The following NTNG1 variants were observed in gnomAD, a reference collection of about 807,000 sequenced individuals.
NTNG1 encodes netrin-G1.
Under a neutral mutation model 54.0 loss-of-function variants are expected in NTNG1, and 16 were observed. The observed-to-expected ratio is 0.30, with a 90% CI of 0.20 to 0.45. NTNG1 has a LOEUF of 0.45. Ranked by LOEUF, NTNG1 falls within the 20% of genes least tolerant of loss-of-function variation. The pLI is 1.00. For missense variants in NTNG1, 530 were observed against 678.7 expected, an observed-to-expected ratio of 0.78 and a Z score of 2.43; for synonymous variants, 255 against 263.1, an observed-to-expected ratio of 0.97 and a Z score of 0.30.
intron 2 of NTNG1, among the ~76,000 whole-genome samples, chr1:107,155,450 A>C (rs1477491915): frequency 1.3e-5 from 2 of 152,016 alleles, no homozygotes; most frequent in Admixed American, 1.3e-4. Flanking sequence ...CTCTCTATCT[A>C]ATATGTATAG....
intron 2 of NTNG1, among the ~76,000 whole-genome samples, chr1:107,194,413 G>A (rs1212872671): frequency 3.9e-5 from 6 of 151,930 alleles, no homozygotes; most frequent in Non-Finnish European, 7.4e-5. Flanking sequence ...ATTCACATCA[G>A]TCTCCTCTTT....
intron 7 of NTNG1, among the ~76,000 whole-genome samples, chr1:107,467,128 C>CT (rs902190898): frequency 2.1e-4 from 31 of 149,190 alleles, no homozygotes; most frequent in African/African-American, 3.9e-4. Context: ...TTTACCTAAA[C>CT]TTTTTTTTTT....
At chr1:107,455,864 C>CT (rs1676924616) in intron 7 of NTNG1, among the ~76,000 whole-genome samples, 1 of 152,172 alleles carries the variant, frequency 6.6e-6, no homozygotes, top group Non-Finnish European at 1.5e-5. Context: ...GTCTCAGCTC[C>CT]ATGTCCTGTG....
chr1:107,315,766 G>A (rs1344472476), intron 2 of NTNG1, among the ~76,000 whole-genome samples: 2 of 152,150 alleles, frequency 1.3e-5, no homozygotes, highest in African/African-American at 2.4e-5. Flanking sequence ...TGTAGGGGCT[G>A]CCTTTCCAAC....
At chr1:107,163,407 T>C (rs1210682855) in intron 2 of NTNG1, among the ~76,000 whole-genome samples, 1 of 152,024 alleles carries the variant, frequency 6.6e-6, no homozygotes, top group East Asian at 1.9e-4. Flanking sequence ...TTAATTATCT[T>C]TATCATTGTG....
intron 7 of NTNG1, among the ~76,000 whole-genome samples, chr1:107,454,125 C>T (rs1192483995): frequency 6.6e-6 from 1 of 152,038 alleles, no homozygotes. Context: ...TGAAAACAGC[C>T]CTCAGTACTC....
At chr1:107,226,824 T>G (rs770508478) in intron 2 of NTNG1, among the ~76,000 whole-genome samples, 1 of 152,050 alleles carries the variant, frequency 6.6e-6, no homozygotes, top group Non-Finnish European at 1.5e-5. Context: ...GAAATGATGG[T>G]GCTGTGCAGG....
chr1:107,429,109 T>C (rs1418754641), intron 5 of NTNG1, among the ~76,000 whole-genome samples: 1 of 152,036 alleles, frequency 6.6e-6, no homozygotes, highest in African/African-American at 2.4e-5. Context: ...TCACCTCAAA[T>C]AAACGAAGTG....
intron 5 of NTNG1, among the ~76,000 whole-genome samples, chr1:107,422,187 C>T (rs540154181): frequency 1.2e-4 from 18 of 152,020 alleles, no homozygotes; most frequent in African/African-American, 4.3e-4. Context: ...GAGGGGAACC[C>T]AATTAGGTTT....
chr1:107,473,230 A>G (rs1435540455), intron 7 of NTNG1, among the ~76,000 whole-genome samples: 3 of 152,232 alleles, frequency 2.0e-5, no homozygotes, highest in Non-Finnish European at 4.4e-5. Flanking sequence ...TTTCAAGTCT[A>G]TAAATACAGA....
At chr1:107,463,737 A>G (rs904013798) in intron 7 of NTNG1, among the ~76,000 whole-genome samples, 3 of 152,144 alleles carry the variant, frequency 2.0e-5, no homozygotes, top group South Asian at 4.1e-4. Context: ...TCACCAGTCT[A>G]TATAAGGCAA....
At chr1:107,217,205 C>T (rs1187555708) in intron 2 of NTNG1, among the ~76,000 whole-genome samples, 4 of 152,094 alleles carry the variant, frequency 2.6e-5, no homozygotes, top group Admixed American at 2.0e-4. Flanking sequence ...TTATCCATCT[C>T]CTCTAGGTTT....
At chr1:107,330,200 A>G (rs527285198) in intron 3 of NTNG1, among the ~76,000 whole-genome samples, 7 of 152,156 alleles carry the variant, frequency 4.6e-5, no homozygotes, top group African/African-American at 9.6e-5. Context: ...TCTTCCCTTT[A>G]TGGGTCTTCA....
intron 3 of NTNG1, among the ~76,000 whole-genome samples, chr1:107,327,922 G>GT (rs1020042848): frequency 6.6e-6 from 1 of 152,070 alleles, no homozygotes; most frequent in Non-Finnish European, 1.5e-5. Flanking sequence ...ACTGGCTAGT[G>GT]TTTTTTAATG....
At chr1:107,427,385 T>A (rs1195196606) in intron 5 of NTNG1, among the ~76,000 whole-genome samples, 1 of 152,050 alleles carries the variant, frequency 6.6e-6, no homozygotes, top group African/African-American at 2.4e-5. Context: ...AATCAAATAA[T>A]TATTAAACTA....
intron 2 of NTNG1, among the ~76,000 whole-genome samples, chr1:107,314,397 CAATAAATA>C (rs149611674): frequency 3.8e-4 from 58 of 150,842 alleles, no homozygotes; most frequent in Middle Eastern, 3.4e-3. Flanking sequence ...GAATCCGTCT[CAATAAATA>C]AATAAATAAA....
intron 3 of NTNG1, among the ~76,000 whole-genome samples, chr1:107,370,189 C>A (rs61232927): frequency 1.4e-5 from 2 of 147,596 alleles, no homozygotes; most frequent in Admixed American, 1.4e-4. Flanking sequence ...TCTGGCTATT[C>A]TAAGCCCTTT....
intron 2 of NTNG1, among the ~76,000 whole-genome samples, chr1:107,296,002 T>C (rs976674889): frequency 6.6e-6 from 1 of 152,080 alleles, no homozygotes; most frequent in Non-Finnish European, 1.5e-5. Context: ...GGCTCATCCG[T>C]CTTTGTCTCT....
At chr1:107,308,347 T>C (rs1002253606) in intron 2 of NTNG1, among the ~76,000 whole-genome samples, 11 of 152,172 alleles carry the variant, frequency 7.2e-5, no homozygotes, top group African/African-American at 2.7e-4. Context: ...AAGGAAGGGG[T>C]CCAGTTTCAA....
Sources: allele counts gnomAD v4.1 joint callset (sites outside exome capture counted in the v4.1 genomes callset), GRCh38; gene constraint gnomAD v4.1.1; transcripts MANE v1.5; gene names NCBI Gene and HGNC (gene_info 2026-07-23, HGNC 2026-07-21).